Variants in LAD1 observed in about 807,000 individuals in gnomAD.
LAD1 encodes ladinin-1.
A neutral mutation model predicts 54.2 loss-of-function variants in LAD1; 53 were observed. That is an observed-to-expected ratio of 0.98 (90% confidence interval 0.78 to 1.23). LAD1 has a LOEUF of 1.23. LAD1 is among the 50% of genes most tolerant of loss of function. LAD1 has a pLI of 0.00. For missense variants in LAD1, 637 were observed against 653.3 expected (o/e 0.98, Z 0.27); for synonymous variants, 231 against 257.7 (o/e 0.90, Z 0.99).
chr1:201,385,786 T>A lies in LAD1; in HGVS notation c.1046A>T (p.Glu349Val). ...VTLQVKIPSK[E>V]EEADMSSPTQ... ...GGGTGAGGACATATCTGCCTCTTCC[T>A]CCTTGCTGGGGATTTTCACCTGGAT... Residue 349 changes from glutamate (E) to valine (V), a missense_variant, in exon 4 of 10, where the codon GAG (glutamate) becomes GTG (valine). By Grantham distance (121) the Glu-to-Val change is moderately radical (BLOSUM62 -2). Coordinates refer to ENST00000391967, the MANE Select transcript of LAD1 (RefSeq NM_005558.4). 6.2e-7 allele frequency: 1 copy of A among 1,614,020 alleles called. No individual in the cohort carries two copies. The highest frequency in any genetic ancestry group is 8.5e-7 in the Non-Finnish European group (1 of 1,179,892).
In LAD1 at chr1:201,381,355, A is replaced by T. The variant is rs1185729831; in HGVS notation, c.*533T>A. ...AGGGAGGGGAGAACCAAGCAGGGAG[A>T]CGGGGCACAGGGAAGACGCACGGCA... On this transcript the variant is annotated 3_prime_UTR_variant, in exon 10 of 10. Coordinates refer to ENST00000391967, the MANE Select transcript of LAD1 (RefSeq NM_005558.4). 2 of 161,574 alleles carry T rather than the reference A, an allele frequency of 1.2e-5. No homozygotes were observed. The highest frequency in any genetic ancestry group is 3.8e-4 in the East Asian group (2 of 5,254). The allele number at this position is 161,574 out of a possible 1,614,324, so 10.0% of individuals were successfully genotyped here. A position where few individuals can be genotyped will look rare whatever the true frequency, so the allele number is the denominator to read the frequency against.
intron 1 of LAD1, among the ~76,000 whole-genome samples, chr1:201,395,508 C>T (rs1337388039): frequency 6.6e-6 from 1 of 152,186 alleles, no homozygotes; most frequent in Non-Finnish European, 1.5e-5. Context: ...AATCCCAGCA[C>T]TTTGGGAGGC....
At chr1:201,395,222 C>T (rs1444395172) in intron 1 of LAD1, among the ~76,000 whole-genome samples, 1 of 152,090 alleles carries the variant, frequency 6.6e-6, no homozygotes. Context: ...CCAATAAGCA[C>T]AAGTTATGAG....
intron 1 of LAD1, among the ~76,000 whole-genome samples, chr1:201,398,532 G>A (rs1252411651): frequency 6.6e-6 from 1 of 152,114 alleles, no homozygotes; most frequent in South Asian, 2.1e-4. Context: ...AAGAGAAGTC[G>A]CTAGAGGTCA....
At chr1:201,399,181 G>A (rs1256566766) in intron 1 of LAD1, 88 bp downstream of exon 1, 1 of 1,113,214 alleles carries the variant, frequency 9.0e-7, no homozygotes, top group African/African-American at 1.5e-5. Flanking sequence ...CAGGGTCCCA[G>A]GCGGGGAGGA....
Position 201,387,058 on chromosome 1 carries a change from C to G in LAD1, c.303G>C (p.Val101=). The change falls in exon 3 of 10, where the codon GTG becomes GTC. Residue 101 remains valine, a synonymous_variant. Transcript: ENST00000391967. ...TRQERRQRRQ[V]VEAAQAPIQE... ...GGATGGGGGCCTGTGCAGCCTCCACCACCTGCCGCCTCTGCCTCCGCTCCT... is the reference window on the plus strand; with the variant it reads ...GGATGGGGGCCTGTGCAGCCTCCACGACCTGCCGCCTCTGCCTCCGCTCCT... 1 of 1,612,086 alleles carries G rather than the reference C, an allele frequency of 6.2e-7. No homozygotes were observed. The highest frequency in any genetic ancestry group is 8.5e-7 in the Non-Finnish European group (1 of 1,179,254).
chr1:201,393,388 G>A (rs567908914), intron 1 of LAD1, among the ~76,000 whole-genome samples: 1 of 152,292 alleles, frequency 6.6e-6, no homozygotes, highest in East Asian at 1.9e-4. Flanking sequence ...AGGCTGGTGG[G>A]GGTAAATGGA....
In LAD1 at chr1:201,385,701, C is replaced by G; in HGVS notation, c.1131G>C (p.Arg377=). Residue 377 remains arginine (R), a splice_region_variant and synonymous_variant, in exon 4 of 10, where the codon CGG becomes CGC. Transcript: ENST00000391967. ...KRSSPRTISF[R]MKPKKENSET... ...AGACCAGGGTGCCCAGGGCTCTCAC[C>G]CGAAAGGAGATGGTCCTGGGGCTGG... The G allele has an allele frequency of 6.2e-7, 1 of 1,612,980 alleles. No homozygotes were observed. Among genetic ancestry groups the G allele is most frequent in the South Asian group, 1.1e-5 (1 of 91,054 alleles).
intron 1 of LAD1, among the ~76,000 whole-genome samples, chr1:201,389,540 C>G (rs1164538171): frequency 6.6e-6 from 1 of 152,106 alleles, no homozygotes; most frequent in South Asian, 2.1e-4. Flanking sequence ...CGGCCAGGCG[C>G]GGTCGCTCAT....
intron 1 of LAD1, among the ~76,000 whole-genome samples, chr1:201,391,799 G>A (rs987421146): frequency 6.6e-6 from 1 of 152,198 alleles, no homozygotes; most frequent in Admixed American, 6.5e-5. Flanking sequence ...GGGACAGGAG[G>A]CTGAGCTTCA....
chr1:201,382,973 C>A, intron 7 of LAD1, 101 bp downstream of exon 7: 1 of 1,373,992 alleles, frequency 7.3e-7, no homozygotes, highest in Non-Finnish European at 1.0e-6. Context: ...CATTAATTGA[C>A]ACATGAAAAC....
In LAD1 at chr1:201,386,413, C is replaced by A. The variant is rs1221400559; in HGVS notation, c.948G>T (p.Lys316Asn). The stretch of plus-strand genomic sequence containing the variant: ...CCTGCTTTGCCAAAGAGGGCAGGTT[C>A]TTCCCAGGGAGGGCCCTTCCTCTCT... ...KEQRGRALPG[K>N]NLPSLAKQGA... Residue 316 changes from lysine to asparagine, a missense_variant, in exon 3 of 10, where the codon AAG becomes AAT. Physicochemically the swap from Lys to Asn is moderately conservative, Grantham distance 94 (BLOSUM62 0). Transcript: ENST00000391967. The A allele has an allele frequency of 1.3e-6, 2 of 1,526,620 alleles. No individual in the cohort carries two copies. The highest frequency in any genetic ancestry group is 4.5e-5 in the East Asian group (2 of 44,316). The allele number at this position is 1,526,620 out of a possible 1,614,324, so 94.6% of individuals were successfully genotyped here.
rs777213457 is a variant in LAD1 at position 201,386,923 on chromosome 1, C to A, written c.438G>T (p.Leu146=). 1.2e-6 allele frequency: 2 copies of A among 1,613,430 alleles called. No individual in the cohort carries two copies. The highest frequency in any genetic ancestry group is 1.7e-4 in the Middle Eastern group (1 of 6,050). The change falls in exon 3 of 10, where the codon CTG becomes CTT. Residue 146 remains leucine (L), a synonymous_variant. Transcript: ENST00000391967. ...CCCAGGGGCCCCGCTGTTCCCGACT[C>A]AGTCTCCGGCGAGGTGGGATTTCCA... is the stretch of plus-strand genomic sequence containing the variant. ...KELEIPPRRR[L]SREQRGPWAL...
chr1:201,393,536 A>G (rs901482922), intron 1 of LAD1, among the ~76,000 whole-genome samples: 1 of 152,136 alleles, frequency 6.6e-6, no homozygotes, highest in Non-Finnish European at 1.5e-5. Flanking sequence ...ACCTGAGGTC[A>G]GGAGTTCAAG....
intron 1 of LAD1, 54 bp downstream of exon 1, chr1:201,399,193 GCCGGTGCCCCGAGGAGAGGAGA>G (rs1356449954): frequency 1.8e-5 from 22 of 1,210,640 alleles, no homozygotes; most frequent in Admixed American, 8.0e-5. Context: ...CGGGGAGGAG[GCCGGTGCCCCGAGGAGAGGAGA>G]CCCAAAGGCT....
intron 2 of LAD1, 77 bp downstream of exon 2, chr1:201,389,083 G>A (rs1005907658): frequency 1.3e-6 from 2 of 1,520,226 alleles, no homozygotes; most frequent in South Asian, 1.2e-5. Context: ...AACTCCCTGA[G>A]CAGACTGAAT....
chr1:201,395,363 T>C (rs1662270416), intron 1 of LAD1, among the ~76,000 whole-genome samples: 1 of 152,102 alleles, frequency 6.6e-6, no homozygotes, highest in African/African-American at 2.4e-5. Flanking sequence ...TTCTTGAACA[T>C]GGTGAATAAC....
intron 2 of LAD1, among the ~76,000 whole-genome samples, chr1:201,388,862 A>C (rs1298540599): frequency 6.6e-6 from 1 of 152,262 alleles, no homozygotes; most frequent in East Asian, 1.9e-4. Context: ...CCACCTGTAA[A>C]ATGGGTTAAC....
chr1:201,398,996 G>A (rs28364651), intron 1 of LAD1, among the ~76,000 whole-genome samples: 1 of 152,168 alleles, frequency 6.6e-6, no homozygotes, highest in Non-Finnish European at 1.5e-5. Flanking sequence ...CCTTCCACAG[G>A]GGGGGCCATA....
Sources: gnomAD v4.1 joint callset for allele counts (sites outside exome capture counted in the v4.1 genomes callset) on GRCh38, gnomAD v4.1.1 for gene constraint, MANE v1.5 for transcripts, NCBI Gene and HGNC (gene_info 2026-07-23, HGNC 2026-07-21) for gene names.